Variants in SH3RF3 observed in about 807,000 individuals in gnomAD.
SH3RF3 encodes E3 ubiquitin-protein ligase SH3RF3.
In SH3RF3, 29 loss-of-function variants were observed where a neutral mutation model predicts 66.3. The observed-to-expected ratio is 0.44, with a 90% CI of 0.33 to 0.60. The LOEUF (loss-of-function observed/expected upper bound fraction) is 0.60, where lower values mean the gene tolerates loss of function less well. Ranked by LOEUF, SH3RF3 falls within the 20% of genes least tolerant of loss-of-function variation. SH3RF3 has a pLI of 0.04. For synonymous variants in SH3RF3, 583 were observed against 532.0 expected (o/e 1.10, Z -1.32); for missense variants, 1,194 against 1,190.9 (o/e 1.00, Z -0.04).
intron 8 of SH3RF3, among the ~76,000 whole-genome samples, chr2:109,451,576 C>T (rs536237634): frequency 6.6e-6 from 1 of 152,374 alleles, no homozygotes; most frequent in East Asian, 1.9e-4. Context: ...TGCTGTTCCC[C>T]ATCACCCACC....
chr2:109,414,650 TC>T (rs1191990387), intron 4 of SH3RF3, among the ~76,000 whole-genome samples: 1 of 152,098 alleles, frequency 6.6e-6, no homozygotes, highest in Non-Finnish European at 1.5e-5. Context: ...CCCAGGCCAG[TC>T]CCTTCTGAGC....
intron 8 of SH3RF3, among the ~76,000 whole-genome samples, chr2:109,451,530 G>C (rs1677866607): frequency 6.6e-6 from 1 of 151,078 alleles, no homozygotes; most frequent in African/African-American, 2.4e-5. Context: ...GGGTTTCTAT[G>C]ACATTACGTC....
intron 1 of SH3RF3, among the ~76,000 whole-genome samples, chr2:109,345,870 G>A (rs1366385594): frequency 1.3e-5 from 2 of 152,182 alleles, no homozygotes; most frequent in African/African-American, 4.8e-5. Flanking sequence ...ATTGCAGGGT[G>A]TTTGGCAGTG....
At chr2:109,188,079 G>C (rs192680046) in intron 1 of SH3RF3, among the ~76,000 whole-genome samples, 1 of 152,362 alleles carries the variant, frequency 6.6e-6, no homozygotes, top group Non-Finnish European at 1.5e-5. Context: ...GAGTGGTCCC[G>C]AACTGCAGAT....
chr2:109,361,937 G>C (rs1368022017), intron 2 of SH3RF3, among the ~76,000 whole-genome samples: 1 of 152,012 alleles, frequency 6.6e-6, no homozygotes, highest in Non-Finnish European at 1.5e-5. Flanking sequence ...TTTTATTCCT[G>C]ATATTAGTAC....
intron 1 of SH3RF3, among the ~76,000 whole-genome samples, chr2:109,303,206 C>T (rs1456125732): frequency 1.3e-5 from 2 of 152,176 alleles, no homozygotes; most frequent in Admixed American, 1.3e-4. Flanking sequence ...TCCACTGTAG[C>T]CAAAGAACTT....
chr2:109,283,349 T>TTGCCAGCCTC lies in SH3RF3; in HGVS notation c.574-64318_574-64309dup, dbSNP rs1347400110. 2.0e-5 allele frequency among the ~76,000 whole-genome samples: 3 copies of TTGCCAGCCTC among 152,284 alleles called. No homozygotes were observed. The South Asian group carries it at 6.2e-4, about 32-fold the overall frequency. On this transcript the variant is annotated intron_variant, in intron 1 of 9. Coordinates refer to ENST00000309415, the MANE Select transcript of SH3RF3 (RefSeq NM_001099289.3). Reference sequence around the variant, plus strand: ...CCCCTGCTCCTTCCTTGCCACCCCATTGCCAGCCTCTGCCAGGCCTCACCT... The same window carrying TTGCCAGCCTC: ...CCCCTGCTCCTTCCTTGCCACCCCATTGCCAGCCTCTGCCAGCCTCTGCCAGGCCTCACCT...
intron 1 of SH3RF3, among the ~76,000 whole-genome samples, chr2:109,211,594 G>A (rs1048322882): frequency 2.0e-5 from 3 of 152,116 alleles, no homozygotes; most frequent in Non-Finnish European, 4.4e-5. Flanking sequence ...CAGCAGTGGG[G>A]AGCATTAGAC....
chr2:109,443,605 G>C (rs1053137209), intron 7 of SH3RF3, among the ~76,000 whole-genome samples: 1 of 152,160 alleles, frequency 6.6e-6, no homozygotes, highest in Non-Finnish European at 1.5e-5. Flanking sequence ...AGCTGGAGTG[G>C]TTATCTTAAT....
Position 109,432,527 on chromosome 2 carries a change from C to T in SH3RF3, c.1430C>T (p.Pro477Leu). ...TACCTGGCGCTCTACGCCTACAAGC[C>T]CCAGAAGAGTGACGAGCTGGAGCTG... ...NVYLALYAYKPQKSDELELHK... is the reference protein window; with the variant it reads ...NVYLALYAYKLQKSDELELHK... The change falls in exon 6 of 10, where the codon CCC (proline) becomes CTC (leucine). Residue 477 changes from proline (P) to leucine (L), a missense_variant. By Grantham distance (98) the Pro-to-Leu change is moderately conservative (BLOSUM62 -3). Coordinates refer to ENST00000309415, the MANE Select transcript of SH3RF3 (RefSeq NM_001099289.3). 6.2e-7 allele frequency: 1 copy of T among 1,613,618 alleles called. No homozygotes were observed. The highest frequency in any genetic ancestry group is 2.2e-5 in the East Asian group (1 of 44,860).
chr2:109,293,230 G>A (rs752327294), intron 1 of SH3RF3, among the ~76,000 whole-genome samples: 3 of 152,214 alleles, frequency 2.0e-5, no homozygotes, highest in East Asian at 1.9e-4. Context: ...TAGGGCACCC[G>A]TAGGAGGGAG....
At chr2:109,404,697 C>T (rs796881129) in intron 4 of SH3RF3, among the ~76,000 whole-genome samples, 16 of 152,200 alleles carry the variant, frequency 1.1e-4, no homozygotes, top group African/African-American at 3.4e-4. Flanking sequence ...AGCACCTTTG[C>T]GGAAGGCCCA....
intron 4 of SH3RF3, among the ~76,000 whole-genome samples, chr2:109,411,142 C>G (rs1676576909): frequency 6.6e-6 from 1 of 152,208 alleles, no homozygotes; most frequent in African/African-American, 2.4e-5. Context: ...CCCTCAAGTC[C>G]CTGGTGTCAC....
intron 1 of SH3RF3, among the ~76,000 whole-genome samples, chr2:109,201,310 C>A (rs1297465619): frequency 2.0e-5 from 3 of 152,240 alleles, no homozygotes; most frequent in African/African-American, 7.2e-5. Flanking sequence ...CCCCACTCTC[C>A]CACAGGCCTC....
intron 2 of SH3RF3, among the ~76,000 whole-genome samples, chr2:109,366,531 C>T (rs1388742366): frequency 6.6e-6 from 1 of 152,202 alleles, no homozygotes; most frequent in Non-Finnish European, 1.5e-5. Flanking sequence ...AGGAGAATAT[C>T]TCTGTACTTC....
chr2:109,399,611 CCAAT>C (rs1016636721), intron 4 of SH3RF3, among the ~76,000 whole-genome samples: 8 of 152,026 alleles, frequency 5.3e-5, no homozygotes, highest in Non-Finnish European at 8.8e-5. Context: ...CTACAAGCAA[CCAAT>C]CAGTCAATCA....
chr2:109,207,724 C>T (rs1015117038), intron 1 of SH3RF3, among the ~76,000 whole-genome samples: 2 of 152,242 alleles, frequency 1.3e-5, no homozygotes, highest in East Asian at 3.9e-4. Flanking sequence ...GGAAGACTTA[C>T]CTGAGACTGA....
intron 1 of SH3RF3, among the ~76,000 whole-genome samples, chr2:109,142,045 G>GGC (rs1676964978): frequency 6.8e-6 from 1 of 147,582 alleles, no homozygotes; most frequent in Non-Finnish European, 1.5e-5. Context: ...GAGTCTCCTG[G>GGC]GGGGGGGGTC....
rs545417875 is a variant in SH3RF3 at position 109,473,914 on chromosome 2, C to T, written c.2149-16691C>T. The stretch of plus-strand genomic sequence containing the variant: ...GCCCCTTGATCATCAGCAGTGCTGT[C>T]ATTACCCCTAGGGTAATGCTGCCCT... On this transcript the variant is annotated intron_variant, in intron 8 of 9. Transcript: ENST00000309415. 2.6e-5 allele frequency among the ~76,000 whole-genome samples: 4 copies of T among 152,330 alleles called. No homozygotes were observed. The South Asian group carries it at 8.3e-4, about 32-fold the overall frequency.
Sources: gnomAD v4.1 joint callset for allele counts (sites outside exome capture counted in the v4.1 genomes callset) on GRCh38, gnomAD v4.1.1 for gene constraint, MANE v1.5 for transcripts, NCBI Gene and HGNC (gene_info 2026-07-23, HGNC 2026-07-21) for gene names.